Variants in PCDHA3 observed in about 807,000 individuals in gnomAD.
PCDHA3 encodes the protein protocadherin alpha-3.
Under a neutral mutation model 62.2 loss-of-function variants are expected in PCDHA3, and 41 were observed. The ratio of observed to expected loss-of-function variants is 0.66; its 90% CI spans 0.51 to 0.86. The LOEUF is 0.86. PCDHA3 is among the 40% of genes least tolerant of loss of function. The probability of loss-of-function intolerance (pLI) is 0.00; values close to 1 mark genes in which losing one functional copy is unlikely to be tolerated. For missense variants in PCDHA3, 1,304 were observed against 1,241.2 expected, an observed-to-expected ratio of 1.05 and a Z score of -0.76; for synonymous variants, 640 against 555.4, an observed-to-expected ratio of 1.15 and a Z score of -2.14.
At chr5:140,814,260 A>G (rs1223744595) in intron 1 of PCDHA3, 2 of 152,254 alleles carry the variant, frequency 1.3e-5, no homozygotes, top group African/African-American at 4.8e-5. Context: ...ATAAACACCC[A>G]TACTAGCCTA....
At chr5:140,843,518 C>T in intron 1 of PCDHA3, 2 of 1,595,646 alleles carry the variant, frequency 1.3e-6, no homozygotes, top group South Asian at 1.1e-5. Context: ...GGGCGGGTGC[C>T]GGGCGGGCAA....
At chr5:140,950,358 G>A (rs1474217490) in intron 1 of PCDHA3, among the ~76,000 whole-genome samples, 3 of 151,864 alleles carry the variant, frequency 2.0e-5, no homozygotes, top group Admixed American at 1.3e-4. Context: ...TCCTTTATCT[G>A]AAGATCTATT....
At chr5:140,925,971 A>C (rs2082843743) in intron 1 of PCDHA3, among the ~76,000 whole-genome samples, 1 of 152,190 alleles carries the variant, frequency 6.6e-6, no homozygotes, top group African/African-American at 2.4e-5. Flanking sequence ...ACGCAAAAAA[A>C]AAGCCTTGAG....
rs2096504149 is a variant in PCDHA3 at position 140,971,885 on chromosome 5, T to G, written c.2395-7064T>G. Among the ~76,000 whole-genome samples the G allele has an allele frequency of 2.0e-5, 3 of 152,134 alleles. No individual in the cohort carries two copies. In the South Asian group the frequency reaches 6.2e-4, roughly 31 times the overall value. ...ACATCTAGCATATGAGGAAATAAGC[T>G]CAGGGAGGTTAGGTAATCTACACAG... On this transcript the variant is annotated intron_variant, in intron 1 of 3. Coordinates refer to ENST00000522353, the MANE Select transcript of PCDHA3 (RefSeq NM_018906.3).
intron 1 of PCDHA3, chr5:140,850,568 G>T (rs2150489760): frequency 1.3e-6 from 2 of 1,598,448 alleles, no homozygotes; most frequent in South Asian, 2.2e-5. Context: ...GCCCCGAGGT[G>T]ACGCTGGTGG....
chr5:140,848,546 G>A, intron 1 of PCDHA3: 1 of 1,595,440 alleles, frequency 6.3e-7, no homozygotes, highest in Non-Finnish European at 8.6e-7. Context: ...TACTGCTCTC[G>A]CTTCTGATCC....
intron 1 of PCDHA3, chr5:140,883,985 G>A (rs782534317): frequency 1.2e-6 from 2 of 1,612,814 alleles, no homozygotes; most frequent in Admixed American, 1.7e-5. Context: ...GGCTGGCAGC[G>A]CGGGAGGCAC....
At chr5:140,955,146 T>C (rs184262984) in intron 1 of PCDHA3, among the ~76,000 whole-genome samples, 10 of 152,338 alleles carry the variant, frequency 6.6e-5, no homozygotes, top group African/African-American at 2.4e-4. Context: ...TCTGTTTTTG[T>C]ACCAGTACCG....
intron 1 of PCDHA3, chr5:140,867,560 C>G (rs1352328708): frequency 1.3e-5 from 2 of 152,070 alleles, no homozygotes; most frequent in African/African-American, 4.8e-5. Context: ...CATATGATAA[C>G]TTTTTCATAT....
In PCDHA3 at chr5:140,841,042, G is replaced by A. The variant is rs1776988027; in HGVS notation, c.2394+37451G>A. 7.4e-6 allele frequency: 3 copies of A among 406,126 alleles called. No individual in the cohort carries two copies. The South Asian group carries it at 1.3e-4, about 18-fold the overall frequency. 25.2% of individuals were successfully genotyped at this position (406,126 alleles called of 1,614,324 possible). On this transcript the variant is annotated intron_variant, in intron 1 of 3. Transcript: ENST00000522353. ...ATGCCTCTGCAATTGATAAAGTTAA[G>A]GATTTACTATTAAATTATGATAAAG...
chr5:140,883,504 C>A, intron 1 of PCDHA3: 1 of 1,614,172 alleles, frequency 6.2e-7, no homozygotes, highest in Non-Finnish European at 8.5e-7. Context: ...TGGACAGCGC[C>A]CTGGACCGCG....
In PCDHA3 at chr5:140,926,779, C is replaced by T. The variant is rs1262086128; in HGVS notation, c.2395-52170C>T. 8 of 1,398,696 alleles carry T rather than the reference C, an allele frequency of 5.7e-6. No individual in the cohort carries two copies. In the South Asian group the frequency reaches 1.2e-4, roughly 21 times the overall value. 86.6% of individuals were successfully genotyped at this position (1,398,696 alleles called of 1,614,324 possible). A position where few individuals can be genotyped will look rare whatever the true frequency, so the allele number is the denominator to read the frequency against. On this transcript the variant is annotated intron_variant, in intron 1 of 3. Transcript: ENST00000522353. ...CTGAGTATCCAGCCCGCAGCAGTGACGGCCGGCAGGAGCGTGCTCTTCCCC... is the reference window on the plus strand; with the variant it reads ...CTGAGTATCCAGCCCGCAGCAGTGATGGCCGGCAGGAGCGTGCTCTTCCCC...
At chr5:140,849,771 A>G in intron 1 of PCDHA3, 1 of 1,598,330 alleles carries the variant, frequency 6.3e-7, no homozygotes, top group Non-Finnish European at 8.6e-7. Flanking sequence ...GCTGGTGGTT[A>G]CCGCGCGGGA....
chr5:140,875,485 G>C (rs367652529), intron 1 of PCDHA3: 10 of 1,611,542 alleles, frequency 6.2e-6, no homozygotes, highest in Non-Finnish European at 7.6e-6. Context: ...GGTGATTATC[G>C]GACCAAGAGG....
At chr5:140,858,130 C>T in intron 1 of PCDHA3, 1 of 1,597,774 alleles carries the variant, frequency 6.3e-7, no homozygotes, top group Non-Finnish European at 8.6e-7. Flanking sequence ...TGGTGGATGT[C>T]AACGTGTACC....
chr5:140,915,626 GTCTCTCTCTCTC>G (rs57920489), intron 1 of PCDHA3, among the ~76,000 whole-genome samples: 39 of 146,434 alleles, frequency 2.7e-4, no homozygotes, highest in African/African-American at 9.6e-4. Context: ...GTCTCTTTCT[GTCTCTCTCTCTC>G]TCTCTCTCTC....
chr5:140,807,154 A>G, intron 1 of PCDHA3: 2 of 1,585,792 alleles, frequency 1.3e-6, no homozygotes, highest in Non-Finnish European at 1.7e-6. Context: ...TTGAGAAACG[A>G]TATTTAATCA....
chr5:140,853,604 G>C lies in PCDHA3; in HGVS notation c.2394+50013G>C, dbSNP rs557129583. On this transcript the variant is annotated intron_variant, in intron 1 of 3. Transcript: ENST00000522353. ...ATCTTAGACACTTTGAGAGCAAAGG[G>C]GGTGCTGTAAATAAGTATACAAGAT... The C allele has an allele frequency of 2.2e-5, 22 of 987,378 alleles. 2 individuals are homozygous for C. In the African/African-American group the frequency reaches 2.3e-4, roughly 10 times the overall value. 61.2% of individuals were successfully genotyped at this position (987,378 alleles called of 1,614,324 possible). A position where few individuals can be genotyped will look rare whatever the true frequency, so the allele number is the denominator to read the frequency against.
chr5:140,842,623 G>C, intron 1 of PCDHA3: 1 of 1,579,148 alleles, frequency 6.3e-7, no homozygotes, highest in Non-Finnish European at 8.6e-7. Context: ...GCTCGCCTTC[G>C]CTGTGGGCCA....
Sources: allele counts gnomAD v4.1 joint callset (sites outside exome capture counted in the v4.1 genomes callset), GRCh38; gene constraint gnomAD v4.1.1; transcripts MANE v1.5; gene names NCBI Gene and HGNC (gene_info 2026-07-23, HGNC 2026-07-21).